Variants in LRRTM4 observed in about 807,000 individuals in gnomAD.
LRRTM4 encodes the protein leucine rich repeat transmembrane neuronal 4.
In LRRTM4, 25 loss-of-function variants were observed where a neutral mutation model predicts 47.6. The ratio of observed to expected loss-of-function variants is 0.53; its 90% CI spans 0.38 to 0.73. The LOEUF (loss-of-function observed/expected upper bound fraction) is 0.73, where lower values mean the gene tolerates loss of function less well. Among genes scored for constraint, LRRTM4 ranks in the 30% least tolerant of loss-of-function variants. The pLI, the probability that LRRTM4 is intolerant of heterozygous loss-of-function variation, is 0.00. For synonymous variants in LRRTM4, 311 were observed against 269.5 expected, an observed-to-expected ratio of 1.15 and a Z score of -1.51; for missense variants, 638 against 713.4, an observed-to-expected ratio of 0.89 and a Z score of 1.20.
chr2:77,191,552 A>G (rs1673669917), intron 3 of LRRTM4, among the ~76,000 whole-genome samples: 1 of 151,872 alleles, frequency 6.6e-6, no homozygotes, highest in African/African-American at 2.4e-5. Flanking sequence ...ACTAATACCA[A>G]TTAAAATTTT....
chr2:77,379,403 A>G (rs1015878069), intron 3 of LRRTM4, among the ~76,000 whole-genome samples: 2 of 152,140 alleles, frequency 1.3e-5, no homozygotes, highest in African/African-American at 2.4e-5. Context: ...GAAAATATAC[A>G]ACTACACTCT....
At chr2:77,164,569 C>G (rs531106586) in intron 3 of LRRTM4, among the ~76,000 whole-genome samples, 6 of 152,274 alleles carry the variant, frequency 3.9e-5, no homozygotes, top group African/African-American at 1.4e-4. Context: ...GTAAAGAAAG[C>G]ACTCCTCAGC....
chr2:77,162,338 G>A (rs1672753353), intron 3 of LRRTM4, among the ~76,000 whole-genome samples: 2 of 152,188 alleles, frequency 1.3e-5, no homozygotes, highest in Non-Finnish European at 2.9e-5. Context: ...CGAATTGGGT[G>A]GAGCCCAACA....
intron 3 of LRRTM4, among the ~76,000 whole-genome samples, chr2:76,942,506 T>TTTC: frequency 6.7e-6 from 1 of 149,998 alleles, no homozygotes; most frequent in African/African-American, 2.4e-5. Flanking sequence ...TTTTTTTTTT[T>TTTC]TGCGATAAAA....
At chr2:77,006,564 A>G (rs1264837418) in intron 3 of LRRTM4, among the ~76,000 whole-genome samples, 1 of 152,158 alleles carries the variant, frequency 6.6e-6, no homozygotes. Flanking sequence ...ATAGAGGGGT[A>G]AGAGCTAAGG....
rs183956603 is a variant in LRRTM4 at position 77,139,730 on chromosome 2, G to A, written c.1551+378588C>T. ...GATTATATATTTAGAAAACCCTATC[G>A]TCTCAGCCCCAAATCTCCTTAAGTG... On this transcript the variant is annotated intron_variant, in intron 3 of 3. Coordinates refer to ENST00000409884, the MANE Select transcript of LRRTM4 (RefSeq NM_001134745.3). Among the ~76,000 whole-genome samples the A allele has an allele frequency of 5.6e-3, 852 of 152,202 alleles. 11 individuals carry two copies. Among genetic ancestry groups the A allele is most frequent in the African/African-American group, 0.019 (808 of 41,528 alleles).
chr2:77,480,514 T>C (rs779975072), intron 3 of LRRTM4, among the ~76,000 whole-genome samples: 6 of 152,168 alleles, frequency 3.9e-5, no homozygotes, highest in Non-Finnish European at 7.4e-5. Flanking sequence ...CACTGAACAC[T>C]TGTTCAACTC....
intron 3 of LRRTM4, among the ~76,000 whole-genome samples, chr2:76,807,689 T>A (rs1055114810): frequency 6.6e-6 from 1 of 151,402 alleles, no homozygotes; most frequent in African/African-American, 2.4e-5. Context: ...CCTCCCAGGT[T>A]CAAGAGATTC....
rs910946988 is a variant in LRRTM4, at chr2:77,325,057, G to A, written c.1551+193261C>T. ...CCACTGAAGCAGCTACTATTTAGTT[G>A]TTTGCTTGGCTCACAATTTCTCCTT... On this transcript the variant is annotated intron_variant, in intron 3 of 3. Coordinates refer to ENST00000409884, the MANE Select transcript of LRRTM4 (RefSeq NM_001134745.3). 2.0e-5 allele frequency among the ~76,000 whole-genome samples: 3 copies of A among 152,104 alleles called. No individual in the cohort carries two copies. The South Asian group carries it at 6.2e-4, about 32-fold the overall frequency.
chr2:77,252,300 G>T (rs1206210847), intron 3 of LRRTM4, among the ~76,000 whole-genome samples: 1 of 152,092 alleles, frequency 6.6e-6, no homozygotes, highest in Non-Finnish European at 1.5e-5. Context: ...GGCATATATG[G>T]TACCCTACAT....
chr2:76,769,442 A>C (rs1471276329), intron 3 of LRRTM4, among the ~76,000 whole-genome samples: 1 of 152,092 alleles, frequency 6.6e-6, no homozygotes, highest in African/African-American at 2.4e-5. Context: ...AGTAGTTGAC[A>C]GTGATAATAT....
rs192800198 is a variant in LRRTM4 at position 77,295,959 on chromosome 2, T to C, written c.1551+222359A>G. Among the ~76,000 whole-genome samples, 123 of 152,344 alleles carry C rather than the reference T, an allele frequency of 8.1e-4. 1 individual carries two copies. The highest frequency in any genetic ancestry group is 2.7e-3 in the African/African-American group (114 of 41,584). On this transcript the variant is annotated intron_variant, in intron 3 of 3. Transcript: ENST00000409884. ...ACTCAGGCCATGACAATCATTTGAT[T>C]TGATAATATAACCTGTCGAATATAT...
intron 3 of LRRTM4, among the ~76,000 whole-genome samples, chr2:76,862,072 C>CTT (rs10713746): frequency 2.1e-5 from 3 of 144,122 alleles, no homozygotes; most frequent in Non-Finnish European, 3.1e-5. Context: ...CTAATTTAGG[C>CTT]TTTTTTTTTT....
At chr2:77,071,871 A>G (rs1680165577) in intron 3 of LRRTM4, among the ~76,000 whole-genome samples, 1 of 152,196 alleles carries the variant, frequency 6.6e-6, no homozygotes, top group Admixed American at 6.5e-5. Flanking sequence ...TGAGGACACT[A>G]GTGTCCAAGC....
chr2:77,075,091 T>C (rs1232419620), intron 3 of LRRTM4, among the ~76,000 whole-genome samples: 4 of 152,196 alleles, frequency 2.6e-5, no homozygotes, highest in South Asian at 2.1e-4. Flanking sequence ...TTTTATTTTA[T>C]TGTCATCAAT....
chr2:76,784,398 C>G (rs1471476698), intron 3 of LRRTM4, among the ~76,000 whole-genome samples: 3 of 151,970 alleles, frequency 2.0e-5, no homozygotes, highest in Non-Finnish European at 2.9e-5. Flanking sequence ...CATATGGACT[C>G]TAATTACTAT....
chr2:77,086,476 ATTTT>A lies in LRRTM4; in HGVS notation c.1552-337564_1552-337561del, dbSNP rs762359320. On this transcript the variant is annotated intron_variant, in intron 3 of 3. Coordinates refer to ENST00000409884, the MANE Select transcript of LRRTM4 (RefSeq NM_001134745.3). ...TCATGATTGCAGGTTACATATAATA[ATTTT>A]TTTTTTTTTTTTTTGAAATGGAGTT... 3.0e-5 allele frequency among the ~76,000 whole-genome samples: 4 copies of A among 131,152 alleles called. No homozygotes were observed. In the South Asian group the frequency reaches 7.4e-4, roughly 24 times the overall value. 86.0% of individuals were successfully genotyped at this position (131,152 alleles called of 152,430 possible).
chr2:76,979,273 A>G (rs1573396472), intron 3 of LRRTM4, among the ~76,000 whole-genome samples: 2 of 152,140 alleles, frequency 1.3e-5, no homozygotes, highest in South Asian at 4.1e-4. Context: ...TAGGGTGTCT[A>G]TTACTACTGA....
chr2:76,888,819 C>A (rs1673161268), intron 3 of LRRTM4, among the ~76,000 whole-genome samples: 1 of 151,722 alleles, frequency 6.6e-6, no homozygotes, highest in Admixed American at 6.6e-5. Flanking sequence ...TCCAAAAGAA[C>A]AATTTTTTAT....
Sources: gnomAD v4.1 joint callset for allele counts (sites outside exome capture counted in the v4.1 genomes callset) on GRCh38, gnomAD v4.1.1 for gene constraint, MANE v1.5 for transcripts, NCBI Gene and HGNC (gene_info 2026-07-23, HGNC 2026-07-21) for gene names.